The following ECI2 variants were observed in gnomAD, a reference collection of about 807,000 sequenced individuals.
The protein encoded by ECI2 is enoyl-CoA delta isomerase 2.
A neutral mutation model predicts 38.4 loss-of-function variants in ECI2; 27 were observed. That is an observed-to-expected ratio of 0.70 (90% CI 0.52 to 0.97). The LOEUF (loss-of-function observed/expected upper bound fraction) is 0.97. Among genes scored for constraint, ECI2 ranks in the 50% least tolerant of loss-of-function variants. ECI2 has a pLI of 0.00. For synonymous variants in ECI2, 168 were observed against 172.0 expected, an observed-to-expected ratio of 0.98 and a Z score of 0.18; for missense variants, 470 against 474.4, an observed-to-expected ratio of 0.99 and a Z score of 0.09.
rs148502020 is a variant in ECI2, at chr6:4,116,071, G to C, written c.1030-42C>G. On this transcript the variant is annotated intron_variant, in intron 9 of 9. Coordinates refer to ENST00000380118, the MANE Select transcript of ECI2 (RefSeq NM_206836.3). ...AACAATAAGGTTAAGAGTTGACCTA[G>C]GCTGGACGTGGACTCATGCCTGTAA... The C allele has an allele frequency of 1.3e-4, 210 of 1,586,488 alleles. 1 individual carries two copies. The African/African-American group carries it at 2.7e-3, about 20-fold the overall frequency.
At chr6:4,121,747 TATGA>T (rs1354609154) in intron 7 of ECI2, among the ~76,000 whole-genome samples, 1 of 151,914 alleles carries the variant, frequency 6.6e-6, no homozygotes, top group Non-Finnish European at 1.5e-5. Flanking sequence ...ATGAATAAAT[TATGA>T]AAGAATGTTA....
At chr6:4,131,578 C>A (rs957485098) in intron 2 of ECI2, among the ~76,000 whole-genome samples, 2 of 151,932 alleles carry the variant, frequency 1.3e-5, no homozygotes, top group African/African-American at 4.8e-5. Context: ...AAAAACAAGC[C>A]AGGTGTGGTG....
chr6:4,130,719 C>T (rs151097755), intron 3 of ECI2, 48 bp downstream of exon 3: 2 of 1,610,156 alleles, frequency 1.2e-6, no homozygotes, highest in African/African-American at 1.3e-5. Flanking sequence ...GAAGCACAAA[C>T]TTCTTTAGAA....
At chr6:4,132,397 C>A (rs991486210) in intron 2 of ECI2, among the ~76,000 whole-genome samples, 1 of 151,988 alleles carries the variant, frequency 6.6e-6, no homozygotes, top group Non-Finnish European at 1.5e-5. Flanking sequence ...GAAGCCCCCA[C>A]CCTAAATCAC....
chr6:4,123,120 A>G lies in ECI2; in HGVS notation c.795+2130T>C, dbSNP rs556934906. Among the ~76,000 whole-genome samples, 11 of 152,234 alleles carry G rather than the reference A, an allele frequency of 7.2e-5. 1 individual carries two copies. The highest frequency in any genetic ancestry group is 2.6e-4 in the African/African-American group (11 of 41,534). ...GAAGCCAATAATGGTAAATCTTATA[A>G]AACAATTTTTTCTACAGCCTTTTCC... On this transcript the variant is annotated intron_variant, in intron 7 of 9. Coordinates refer to ENST00000380118, the MANE Select transcript of ECI2 (RefSeq NM_206836.3).
Position 4,122,153 on chromosome 6 carries a change from G to A in ECI2, c.796-2878C>T, listed in dbSNP as rs553559935. On this transcript the variant is annotated intron_variant, in intron 7 of 9. Coordinates refer to ENST00000380118, the MANE Select transcript of ECI2 (RefSeq NM_206836.3). ...CTCTGGCGTCAGACTACTTAGGGAC[G>A]TTGGGAAAGTTTCTTACCCTCTCTG... is the stretch of plus-strand genomic sequence containing the variant. 112 of 536,028 alleles carry A rather than the reference G, an allele frequency of 2.1e-4. 2 individuals are homozygous for A. Among genetic ancestry groups the A allele is most frequent in the South Asian group, 1.6e-3 (46 of 28,940 alleles). The allele number at this position is 536,028 out of a possible 1,614,324, so 33.2% of individuals were successfully genotyped here.
chr6:4,116,743 C>G (rs2113963262), intron 9 of ECI2, among the ~76,000 whole-genome samples: 1 of 152,246 alleles, frequency 6.6e-6, no homozygotes, highest in East Asian at 1.9e-4. Context: ...TGTTCTCGGC[C>G]CTAATGCTGT....
In ECI2 at chr6:4,122,092, C is replaced by T. The variant is rs763204504; in HGVS notation, c.796-2817G>A. The T allele has an allele frequency of 2.5e-6, 3 of 1,205,158 alleles. No homozygotes were observed. In the Admixed American group the frequency reaches 6.1e-5, roughly 24 times the overall value. 74.7% of individuals were successfully genotyped at this position (1,205,158 alleles called of 1,614,324 possible). ...AAGCAGCATTTAAAATGCTGATTTT[C>T]AGAAAGAGAGCAGCAGGTGGAGTTA... On this transcript the variant is annotated intron_variant, in intron 7 of 9. Coordinates refer to ENST00000380118, the MANE Select transcript of ECI2 (RefSeq NM_206836.3).
At chr6:4,126,701 G>A (rs75533853) in intron 5 of ECI2, among the ~76,000 whole-genome samples, 1,903 of 152,270 alleles carry the variant, frequency 0.012, 37 homozygotes, top group African/African-American at 0.044. Context: ...GGGGGAAGTC[G>A]GTGCAGGATG....
At chr6:4,135,471 C>A in intron 1 of ECI2, 40 bp downstream of exon 1, 1 of 1,594,950 alleles carries the variant, frequency 6.3e-7, no homozygotes, top group Non-Finnish European at 8.5e-7. Context: ...CGGTATCCTG[C>A]GGGCGACCAT....
At chr6:4,122,108 G>C (rs907640217) in intron 7 of ECI2, 5 of 1,074,014 alleles carry the variant, frequency 4.7e-6, no homozygotes, top group Non-Finnish European at 7.0e-6. Context: ...GAGAGCAGCA[G>C]GTGGAGTTAA....
chr6:4,126,241 T>C lies in ECI2; in HGVS notation c.572-4A>G, dbSNP rs770742086. The stretch of plus-strand genomic sequence containing the variant: ...CTACTGTAATAGTCACCATTTCCTA[T>C]AAGTAAGAAAATCAACAGATCCCTC... On this transcript the variant is annotated splice_region_variant and splice_polypyrimidine_tract_variant and intron_variant, in intron 5 of 9. Coordinates refer to ENST00000380118, the MANE Select transcript of ECI2 (RefSeq NM_206836.3). 14 of 1,607,462 alleles carry C rather than the reference T, an allele frequency of 8.7e-6. No homozygotes were observed. Among genetic ancestry groups the C allele is most frequent in the Admixed American group, 5.1e-5 (3 of 59,188 alleles).
At chr6:4,127,669 T>A in intron 5 of ECI2, 93 bp downstream of exon 5, 43 of 1,337,288 alleles carry the variant, frequency 3.2e-5, no homozygotes, top group Non-Finnish European at 4.4e-5. Flanking sequence ...TGCCTCGGCC[T>A]CCAGGTCTTA....
rs770614481 is a variant in ECI2, at chr6:4,124,201, C to G, written c.795+1049G>C. Among the ~76,000 whole-genome samples the G allele has an allele frequency of 1.7e-3, 261 of 152,302 alleles. 1 individual carries two copies. Among genetic ancestry groups the G allele is most frequent in the Middle Eastern group, 3.4e-3 (1 of 294 alleles). ...TCTGCCTTTGAACAGAAACCTCTAC[C>G]TACAAAGGCTGGGCAGCCTGGCACC... is the stretch of plus-strand genomic sequence containing the variant. On this transcript the variant is annotated intron_variant, in intron 7 of 9. Coordinates refer to ENST00000380118, the MANE Select transcript of ECI2 (RefSeq NM_206836.3).
chr6:4,117,834 C>T (rs953171121), intron 8 of ECI2: 1 of 158,914 alleles, frequency 6.3e-6, no homozygotes, highest in Non-Finnish European at 1.4e-5. Flanking sequence ...ATTGGGTCAA[C>T]CTTTAGAAAC....
At chr6:4,134,321 G>A (rs1202355773) in intron 1 of ECI2, among the ~76,000 whole-genome samples, 2 of 152,182 alleles carry the variant, frequency 1.3e-5, no homozygotes, top group Non-Finnish European at 2.9e-5. Flanking sequence ...ACCTGCAGTG[G>A]AAGGGAGTCA....
intron 4 of ECI2, among the ~76,000 whole-genome samples, chr6:4,129,685 C>T (rs114309994): frequency 0.015 from 2,242 of 152,242 alleles, 22 homozygotes; most frequent in Middle Eastern, 0.024. Flanking sequence ...TATCCTACTT[C>T]ATGAAATTCT....
intron 7 of ECI2, among the ~76,000 whole-genome samples, chr6:4,123,908 C>T (rs917364542): frequency 4.0e-5 from 6 of 151,788 alleles, no homozygotes; most frequent in Admixed American, 3.9e-4. Flanking sequence ...CTGCAGTGAG[C>T]CAAGATCGTG....
intron 5 of ECI2, 71 bp downstream of exon 5, chr6:4,127,691 C>T: frequency 6.6e-7 from 1 of 1,517,838 alleles, no homozygotes; most frequent in Admixed American, 2.0e-5. Context: ...AGCTTTTTAA[C>T]TCAATTTCCT....
Sources: allele counts gnomAD v4.1 joint callset (sites outside exome capture counted in the v4.1 genomes callset), GRCh38; gene constraint gnomAD v4.1.1; transcripts MANE v1.5; gene names NCBI Gene and HGNC (gene_info 2026-07-23, HGNC 2026-07-21).